The following GRM5 variants were observed in gnomAD, a reference collection of about 807,000 sequenced individuals.
GRM5 encodes the protein glutamate metabotropic receptor 5.
In GRM5, 19 loss-of-function variants were observed where a neutral mutation model predicts 83.1. The ratio of observed to expected loss-of-function variants is 0.23; its 90% CI spans 0.16 to 0.34. The LOEUF (loss-of-function observed/expected upper bound fraction) is 0.34. Ranked by LOEUF, GRM5 falls within the 10% of genes least tolerant of loss-of-function variation. The pLI, the probability that GRM5 is intolerant of heterozygous loss-of-function variation, is 1.00. For missense variants in GRM5, 1,160 were observed against 1,588.3 expected (o/e 0.73, Z 4.58); for synonymous variants, 675 against 633.6 (o/e 1.07, Z -0.98).
At chr11:88,777,285 A>G (rs1942876502) in intron 3 of GRM5, among the ~76,000 whole-genome samples, 1 of 152,158 alleles carries the variant, frequency 6.6e-6, no homozygotes, top group Non-Finnish European at 1.5e-5. Context: ...TTCCAGCTCC[A>G]TCAGGTCATT....
intron 7 of GRM5, among the ~76,000 whole-genome samples, chr11:88,578,503 T>C (rs1943159255): frequency 6.6e-6 from 1 of 152,166 alleles, no homozygotes; most frequent in African/African-American, 2.4e-5. Context: ...AAATTTATCA[T>C]TGTGAAGAAG....
chr11:88,549,873 C>T (rs765110798), intron 8 of GRM5, among the ~76,000 whole-genome samples: 11 of 152,060 alleles, frequency 7.2e-5, no homozygotes, highest in South Asian at 2.1e-4. Flanking sequence ...AGGAAGATTA[C>T]GCTGGTAGCT....
chr11:88,566,848 C>T (rs536200386), intron 8 of GRM5, among the ~76,000 whole-genome samples: 1 of 152,190 alleles, frequency 6.6e-6, no homozygotes, highest in South Asian at 2.1e-4. Context: ...TTTTGACTTC[C>T]ATGTTTCTAG....
chr11:88,655,648 ATC>A (rs150817726), intron 3 of GRM5, among the ~76,000 whole-genome samples: 3,081 of 149,286 alleles, frequency 0.021, 85 homozygotes, highest in East Asian at 0.12. Context: ...TAATTTACTG[ATC>A]TCTCATCATG....
chr11:88,598,438 GTT>G (rs369013034), intron 5 of GRM5, among the ~76,000 whole-genome samples: 1 of 146,716 alleles, frequency 6.8e-6, no homozygotes, highest in Non-Finnish European at 1.5e-5. Context: ...TTTTACTGTA[GTT>G]TTTTTTTTTC....
intron 8 of GRM5, among the ~76,000 whole-genome samples, chr11:88,533,555 A>G (rs755404827): frequency 2.0e-4 from 31 of 152,258 alleles, no homozygotes; most frequent in Admixed American, 4.6e-4. Context: ...CCCCCAGTGG[A>G]ATCTGTGATA....
intron 2 of GRM5, among the ~76,000 whole-genome samples, chr11:88,938,764 A>G (rs1937986733): frequency 6.6e-6 from 1 of 151,706 alleles, no homozygotes; most frequent in Admixed American, 6.6e-5. Context: ...GTCTTTTTTT[A>G]ACGAATATTA....
chr11:88,974,366 T>G (rs1028783216), intron 2 of GRM5, among the ~76,000 whole-genome samples: 1 of 138,184 alleles, frequency 7.2e-6, no homozygotes, highest in Middle Eastern at 3.6e-3. Flanking sequence ...GTTATCTCCC[T>G]GGCAATAGAG....
intron 2 of GRM5, among the ~76,000 whole-genome samples, chr11:88,992,775 C>G (rs1015664372): frequency 1.8e-4 from 27 of 151,372 alleles, no homozygotes; most frequent in African/African-American, 5.3e-4. Flanking sequence ...GGACAAAAAA[C>G]CAAGCACCAC....
At chr11:88,827,271 C>T (rs1197705409) in intron 3 of GRM5, among the ~76,000 whole-genome samples, 1 of 152,192 alleles carries the variant, frequency 6.6e-6, no homozygotes, top group Non-Finnish European at 1.5e-5. Flanking sequence ...TCATCTGGCA[C>T]TACTCCACAT....
chr11:88,547,639 C>T (rs775856636), intron 8 of GRM5, among the ~76,000 whole-genome samples: 1 of 152,098 alleles, frequency 6.6e-6, no homozygotes, highest in Non-Finnish European at 1.5e-5. Flanking sequence ...TCTTTTCAGA[C>T]TGACAGGCAA....
chr11:88,720,601 C>G (rs1182546127), intron 3 of GRM5, among the ~76,000 whole-genome samples: 1 of 152,160 alleles, frequency 6.6e-6, no homozygotes, highest in Admixed American at 6.6e-5. Context: ...CAGAAAAAAA[C>G]AGCTACTGGC....
intron 3 of GRM5, among the ~76,000 whole-genome samples, chr11:88,712,943 A>G (rs1941313876): frequency 1.3e-5 from 2 of 152,036 alleles, no homozygotes; most frequent in Non-Finnish European, 2.9e-5. Flanking sequence ...TATCTTTGAT[A>G]TTCAGTGAGG....
chr11:89,048,132 G>T, intron 1 of GRM5, 60 bp from the exon 2 acceptor site: 1 of 423,346 alleles, frequency 2.4e-6, no homozygotes, highest in South Asian at 3.7e-5. Context: ...GTTTGGGGAA[G>T]TTCTATAATC....
chr11:88,713,878 TA>T (rs1271365155), intron 3 of GRM5, among the ~76,000 whole-genome samples: 1 of 151,938 alleles, frequency 6.6e-6, no homozygotes. Flanking sequence ...TTCATGAAAT[TA>T]AGAAGAAATT....
intron 3 of GRM5, among the ~76,000 whole-genome samples, chr11:88,808,604 C>T (rs1226543380): frequency 2.0e-5 from 3 of 151,948 alleles, no homozygotes; most frequent in Non-Finnish European, 2.9e-5. Context: ...CTCAAAGCCA[C>T]ATTGTAACAT....
chr11:88,945,262 A>G (rs375925144), intron 2 of GRM5, among the ~76,000 whole-genome samples: 19 of 152,170 alleles, frequency 1.2e-4, no homozygotes, highest in African/African-American at 4.3e-4. Flanking sequence ...ACAAATGAAA[A>G]AACATTTCAT....
intron 3 of GRM5, among the ~76,000 whole-genome samples, chr11:88,773,464 C>T (rs962829692): frequency 6.6e-6 from 1 of 152,054 alleles, no homozygotes. Context: ...AATTAGATGC[C>T]ATTTGTCTAT....
At chr11:88,597,086 A>G (rs1937829936) in intron 6 of GRM5, 98 bp downstream of exon 6, 1 of 703,700 alleles carries the variant, frequency 1.4e-6, no homozygotes, top group East Asian at 2.8e-5. Flanking sequence ...TACAATATAA[A>G]AAGTAAAATA....
Sources: allele counts gnomAD v4.1 joint callset (sites outside exome capture counted in the v4.1 genomes callset), GRCh38; gene constraint gnomAD v4.1.1; transcripts MANE v1.5; gene names NCBI Gene and HGNC (gene_info 2026-07-23, HGNC 2026-07-21).